Variants in TM7SF3 observed in about 807,000 individuals in gnomAD.
TM7SF3 encodes the protein transmembrane 7 superfamily member 3.
A neutral mutation model predicts 65.5 loss-of-function variants in TM7SF3; 60 were observed. The observed-to-expected ratio is 0.92, with a 90% CI of 0.74 to 1.14. The LOEUF is 1.14. Among genes scored for constraint, TM7SF3 ranks in the 50% most tolerant of loss-of-function variants. The probability of loss-of-function intolerance (pLI) is 0.00; values close to 1 mark genes in which losing one functional copy is unlikely to be tolerated. For synonymous variants in TM7SF3, 264 were observed against 259.6 expected, an observed-to-expected ratio of 1.02 and a Z score of -0.16; for missense variants, 623 against 684.8, an observed-to-expected ratio of 0.91 and a Z score of 1.01.
chr12:27,012,810 C>T lies in TM7SF3; in HGVS notation c.91+1268G>A, dbSNP rs150120983. The T allele has an allele frequency of 1.4e-3, 621 of 435,984 alleles. 6 individuals carry two copies. In the East Asian group the frequency reaches 0.031, roughly 22 times the overall value. 27.0% of individuals were successfully genotyped at this position (435,984 alleles called of 1,614,324 possible). On this transcript the variant is annotated intron_variant, in intron 1 of 11. Coordinates refer to ENST00000343028, the MANE Select transcript of TM7SF3 (RefSeq NM_016551.3). Reference sequence around the variant, plus strand: ...GTCAGGAGTTCGAGACCAGCCTGAACAACATGGTGAAACCCCGCCTGTACT... The same window carrying T: ...GTCAGGAGTTCGAGACCAGCCTGAATAACATGGTGAAACCCCGCCTGTACT...
chr12:26,996,599 A>G, intron 4 of TM7SF3, 143 bp downstream of exon 4: 1 of 761,978 alleles, frequency 1.3e-6, no homozygotes, highest in Non-Finnish European at 2.0e-6. Flanking sequence ...ATTAATAGTG[A>G]AGTTTAAATT....
chr12:26,979,661 G>A (rs1939723321), intron 9 of TM7SF3, 123 bp downstream of exon 9: 1 of 1,095,664 alleles, frequency 9.1e-7, no homozygotes, highest in Non-Finnish European at 1.3e-6. Context: ...CACCATCAAT[G>A]CAGATTTCCA....
chr12:26,973,901 G>T lies in TM7SF3; in HGVS notation c.*64C>A. 6.4e-7 allele frequency: 1 copy of T among 1,563,632 alleles called. No homozygotes were observed. Among genetic ancestry groups the T allele is most frequent in the South Asian group, 1.2e-5 (1 of 83,434 alleles). On this transcript the variant is annotated 3_prime_UTR_variant, in exon 12 of 12. Transcript: ENST00000343028. ...GATCTCTTATTAGACTTGCACCAGA[G>T]ACTGTTGAACCACTCCAGGCATGAA... is the stretch of plus-strand genomic sequence containing the variant.
rs1180321070 is a variant in TM7SF3 at position 26,973,153 on chromosome 12, A to G, written c.*812T>C. On this transcript the variant is annotated 3_prime_UTR_variant, in exon 12 of 12. Coordinates refer to ENST00000343028, the MANE Select transcript of TM7SF3 (RefSeq NM_016551.3). ...GAAGGGCATGCAACTAAGTAATCAG[A>G]CTGCTTTTAGTAAGAAAATAAGTTT... 6.7e-6 allele frequency: 1 copy of G among 149,156 alleles called. No homozygotes were observed. Among genetic ancestry groups the G allele is most frequent in the Non-Finnish European group, 1.5e-5 (1 of 67,596 alleles). The allele number at this position is 149,156 out of a possible 1,614,324, so 9.2% of individuals were successfully genotyped here.
At chr12:26,998,569 C>T (rs1304652312) in intron 3 of TM7SF3, among the ~76,000 whole-genome samples, 2 of 152,156 alleles carry the variant, frequency 1.3e-5, no homozygotes, top group African/African-American at 2.4e-5. Context: ...GAAACCTATG[C>T]TTCCCTCTTA....
intron 6 of TM7SF3, among the ~76,000 whole-genome samples, chr12:26,989,756 G>A (rs1335083372): frequency 6.6e-6 from 1 of 151,982 alleles, no homozygotes; most frequent in African/African-American, 2.4e-5. Flanking sequence ...TTACTTCAGT[G>A]GCCTCCTAAC....
At chr12:26,991,355 T>C (rs370184990) in intron 5 of TM7SF3, among the ~76,000 whole-genome samples, 1 of 151,670 alleles carries the variant, frequency 6.6e-6, no homozygotes, top group East Asian at 1.9e-4. Context: ...GGTTTCACCT[T>C]GTTAGCCAGG....
In TM7SF3 at chr12:26,990,634, C is replaced by A; in HGVS notation, c.691-7G>T. ...TAGCTGTTAGGGTAACCACCTGAAG[C>A]CAAAAATAACACATGATTAGTGTTT... On this transcript the variant is annotated splice_polypyrimidine_tract_variant and splice_region_variant and intron_variant, in intron 5 of 11. Coordinates refer to ENST00000343028, the MANE Select transcript of TM7SF3 (RefSeq NM_016551.3). 1.2e-6 allele frequency: 2 copies of A among 1,609,364 alleles called. No homozygotes were observed. Among genetic ancestry groups the A allele is most frequent in the East Asian group, 2.2e-5 (1 of 44,740 alleles).
At chr12:27,008,695 G>A (rs116481042) in intron 1 of TM7SF3, among the ~76,000 whole-genome samples, 2,108 of 152,184 alleles carry the variant, frequency 0.014, 60 homozygotes, top group African/African-American at 0.048. Flanking sequence ...TTTTACACAT[G>A]GTGTAAGATA....
intron 4 of TM7SF3, 42 bp downstream of exon 4, chr12:26,996,700 T>A (rs1940612096): frequency 3.2e-6 from 5 of 1,584,116 alleles, no homozygotes; most frequent in Non-Finnish European, 3.4e-6. Flanking sequence ...TGTCGTCATG[T>A]ATATTCTAAA....
chr12:26,990,028 C>CA (rs1327424542), intron 6 of TM7SF3, among the ~76,000 whole-genome samples: 5 of 152,300 alleles, frequency 3.3e-5, no homozygotes, highest in Admixed American at 6.5e-5. Flanking sequence ...TTCACACCCT[C>CA]AGACAGGCTC....
chr12:26,975,035 A>G (rs932254760), intron 11 of TM7SF3, among the ~76,000 whole-genome samples: 6 of 152,212 alleles, frequency 3.9e-5, no homozygotes, highest in Non-Finnish European at 8.8e-5. Context: ...TGTAATGGAT[A>G]GAATCTTACA....
chr12:26,979,317 T>C (rs1250628444), intron 9 of TM7SF3: 3 of 153,226 alleles, frequency 2.0e-5, no homozygotes, highest in Admixed American at 6.5e-5. Context: ...ATTGAATTAC[T>C]TTTTAAAAAC....
At chr12:26,992,386 C>T (rs2136416411) in intron 5 of TM7SF3, among the ~76,000 whole-genome samples, 1 of 152,260 alleles carries the variant, frequency 6.6e-6, no homozygotes, top group East Asian at 1.9e-4. Context: ...TCACGCCATT[C>T]TCCTGCCTCA....
At chr12:26,988,877 T>C (rs1178805990) in intron 6 of TM7SF3, among the ~76,000 whole-genome samples, 2 of 152,110 alleles carry the variant, frequency 1.3e-5, no homozygotes, top group Admixed American at 6.5e-5. Context: ...ACCCCTCCTC[T>C]TCCTCCTCCT....
At chr12:26,987,371 C>G (rs1436318444) in intron 6 of TM7SF3, among the ~76,000 whole-genome samples, 2 of 152,198 alleles carry the variant, frequency 1.3e-5, no homozygotes, top group Non-Finnish European at 2.9e-5. Flanking sequence ...CGCTCTCTCT[C>G]TCCAGTTGCT....
rs765272348 is a variant in TM7SF3, at chr12:26,979,796, A to G, written c.1177T>C (p.Phe393Leu). Residue 393 changes from phenylalanine to leucine, a missense_variant, in exon 9 of 12, where the codon TTT becomes CTT. Coordinates refer to ENST00000343028, the MANE Select transcript of TM7SF3 (RefSeq NM_016551.3). ...ACATATCGCCTACCCAGTGGAGTAAAGAAAGTCACTGACGAGATGAGGAAC... is the reference window on the plus strand; with the variant it reads ...ACATATCGCCTACCCAGTGGAGTAAGGAAAGTCACTGACGAGATGAGGAAC... ...LGFLISSVTF[F>L]TPLGNLKIFH... 19 of 1,613,924 alleles carry G rather than the reference A, an allele frequency of 1.2e-5. No homozygotes were observed. The highest frequency in any genetic ancestry group is 1.5e-5 in the Non-Finnish European group (18 of 1,179,974).
At chr12:26,995,659 T>C (rs1427326006) in intron 4 of TM7SF3, among the ~76,000 whole-genome samples, 1 of 152,198 alleles carries the variant, frequency 6.6e-6, no homozygotes, top group East Asian at 1.9e-4. Context: ...GGTGGGACCT[T>C]TGGAAGGTAA....
At chr12:27,012,602 C>T (rs1941286396) in intron 1 of TM7SF3, 2 of 455,902 alleles carry the variant, frequency 4.4e-6, no homozygotes, top group Admixed American at 4.7e-5. Context: ...GTGCCTTTTA[C>T]ATTTTATATT....
Sources: gnomAD v4.1 joint callset for allele counts (sites outside exome capture counted in the v4.1 genomes callset) on GRCh38, gnomAD v4.1.1 for gene constraint, MANE v1.5 for transcripts, NCBI Gene and HGNC (gene_info 2026-07-23, HGNC 2026-07-21) for gene names.